Variants in NLN observed in about 807,000 individuals in gnomAD.
NLN encodes neurolysin, mitochondrial.
A neutral mutation model predicts 79.9 loss-of-function variants in NLN; 64 were observed. The ratio of observed to expected loss-of-function variants is 0.80; its 90% CI spans 0.65 to 0.99. The LOEUF (loss-of-function observed/expected upper bound fraction) is 0.99, where lower values mean the gene tolerates loss of function less well. Among genes scored for constraint, NLN ranks in the 50% least tolerant of loss-of-function variants. NLN has a pLI of 0.00. For synonymous variants in NLN, 267 were observed against 296.6 expected, an observed-to-expected ratio of 0.90 and a Z score of 1.02; for missense variants, 835 against 858.7, an observed-to-expected ratio of 0.97 and a Z score of 0.34.
At chr5:65,755,430 C>CAT (rs1437067610) in intron 1 of NLN, among the ~76,000 whole-genome samples, 2 of 152,142 alleles carry the variant, frequency 1.3e-5, no homozygotes, top group Non-Finnish European at 2.9e-5. Flanking sequence ...TATAAGGAAA[C>CAT]ATATAAGTAG....
chr5:65,756,659 GT>G (rs1417134181), intron 1 of NLN, among the ~76,000 whole-genome samples: 1 of 152,010 alleles, frequency 6.6e-6, no homozygotes, highest in Non-Finnish European at 1.5e-5. Context: ...GTTTTTTGTT[GT>G]TGTCGTTGTT....
At chr5:65,773,242 C>T (rs1457428666) in intron 3 of NLN, among the ~76,000 whole-genome samples, 2 of 151,736 alleles carry the variant, frequency 1.3e-5, no homozygotes, top group African/African-American at 4.9e-5. Context: ...AGCAATCCTC[C>T]CACCTCAGCC....
intron 7 of NLN, 25 bp from the exon 8 acceptor site, chr5:65,788,093 C>G (rs757835464): frequency 6.3e-7 from 1 of 1,596,306 alleles, no homozygotes. Flanking sequence ...GCAAGTAGAT[C>G]ACTAACTTTT....
intron 1 of NLN, among the ~76,000 whole-genome samples, chr5:65,748,752 C>G (rs924854675): frequency 4.6e-5 from 7 of 151,980 alleles, no homozygotes; most frequent in African/African-American, 1.5e-4. Context: ...GACCCTGTCC[C>G]AAAAAGAAAA....
intron 3 of NLN, among the ~76,000 whole-genome samples, chr5:65,773,716 G>A (rs1005730510): frequency 6.6e-6 from 1 of 152,148 alleles, no homozygotes; most frequent in Non-Finnish European, 1.5e-5. Context: ...GCCGAGGCAG[G>A]TGGATCACTT....
At chr5:65,737,128 T>C in intron 1 of NLN, among the ~76,000 whole-genome samples, 1 of 151,354 alleles carries the variant, frequency 6.6e-6, no homozygotes, top group East Asian at 1.9e-4. Context: ...AGGGAGACTG[T>C]CTCCAAAAAA....
chr5:65,738,980 T>TTATATATTTATATATATATTTTATAA (rs1758806162), intron 1 of NLN, among the ~76,000 whole-genome samples: 1 of 28,300 alleles, frequency 3.5e-5, no homozygotes, highest in Non-Finnish European at 6.9e-5. Flanking sequence ...AATATATATA[T>TTATATATTTATATATATATTTTATAA]TATATATTTA....
intron 7 of NLN, 172 bp downstream of exon 7, chr5:65,786,082 T>C: frequency 2.0e-6 from 1 of 506,438 alleles, no homozygotes; most frequent in East Asian, 3.0e-5. Flanking sequence ...GGACTGCTTA[T>C]TGTTTATATT....
At chr5:65,760,383 T>TA (rs1289881763) in intron 2 of NLN, among the ~76,000 whole-genome samples, 2 of 152,236 alleles carry the variant, frequency 1.3e-5, no homozygotes, top group Non-Finnish European at 2.9e-5. Context: ...GTCAAAGGGA[T>TA]AGAGTTAGTC....
chr5:65,737,366 C>A (rs909677077), intron 1 of NLN, among the ~76,000 whole-genome samples: 5 of 152,144 alleles, frequency 3.3e-5, no homozygotes, highest in Admixed American at 2.0e-4. Context: ...CTACTAAATT[C>A]TTTCCCCCTG....
intron 1 of NLN, among the ~76,000 whole-genome samples, chr5:65,728,740 A>G (rs550830340): frequency 6.6e-5 from 10 of 152,298 alleles, no homozygotes; most frequent in Admixed American, 2.0e-4. Context: ...AAAATTCAGG[A>G]GTTGTGGTCT....
At chr5:65,777,848 T>C (rs1460677940) in intron 4 of NLN, among the ~76,000 whole-genome samples, 2 of 152,248 alleles carry the variant, frequency 1.3e-5, no homozygotes, top group Non-Finnish European at 2.9e-5. Context: ...ACAGATGGGT[T>C]GTAATAGAAT....
chr5:65,810,515 G>A (rs776648200), intron 11 of NLN, among the ~76,000 whole-genome samples: 6 of 152,056 alleles, frequency 3.9e-5, no homozygotes, highest in Non-Finnish European at 7.3e-5. Flanking sequence ...TTGGCAGAAG[G>A]GGAACTTTTT....
intron 4 of NLN, among the ~76,000 whole-genome samples, chr5:65,779,669 T>G (rs901489153): frequency 6.6e-6 from 1 of 152,246 alleles, no homozygotes; most frequent in Non-Finnish European, 1.5e-5. Context: ...ATGTACTATG[T>G]GCAATATATT....
intron 9 of NLN, among the ~76,000 whole-genome samples, chr5:65,793,808 A>G (rs1003917768): frequency 6.6e-6 from 1 of 152,186 alleles, no homozygotes; most frequent in Non-Finnish European, 1.5e-5. Context: ...CAAAGATGAT[A>G]TAAGGATTGC....
rs1353682783 is a variant in NLN at position 65,809,619 on chromosome 5, A to G, written c.1632A>G (p.Arg544=). 1 of 1,614,016 alleles carries G rather than the reference A, an allele frequency of 6.2e-7. No individual in the cohort carries two copies. Among genetic ancestry groups the G allele is most frequent in the African/African-American group, 1.3e-5 (1 of 75,040 alleles). ...NWVWDVDSLR[R]LSKHYKDGSP... ...TGTGGGACGTCGATTCCCTCCGAAG[A>G]TTGTCAAAACATTATAAAGATGGAA... The change falls in exon 10 of 13, where the codon AGA becomes AGG. Residue 544 remains arginine (R), a synonymous_variant. Transcript: ENST00000380985.
chr5:65,772,334 G>A (rs1169795376), intron 3 of NLN, among the ~76,000 whole-genome samples: 1 of 152,184 alleles, frequency 6.6e-6, no homozygotes, highest in Non-Finnish European at 1.5e-5. Flanking sequence ...TAGGAGCTCA[G>A]TAAATGTAAA....
intron 3 of NLN, among the ~76,000 whole-genome samples, chr5:65,769,128 CG>C (rs1425738092): frequency 6.6e-6 from 1 of 152,212 alleles, no homozygotes; most frequent in African/African-American, 2.4e-5. Context: ...TGTGCTGTCA[CG>C]GAAGTCACAT....
intron 12 of NLN, among the ~76,000 whole-genome samples, chr5:65,816,526 C>A (rs1002846709): frequency 2.0e-5 from 3 of 148,578 alleles, no homozygotes; most frequent in African/African-American, 7.5e-5. Context: ...GTACCCCGAA[C>A]GTAAAAGTTA....
Sources: allele counts gnomAD v4.1 joint callset (sites outside exome capture counted in the v4.1 genomes callset), GRCh38; gene constraint gnomAD v4.1.1; transcripts MANE v1.5; gene names NCBI Gene and HGNC (gene_info 2026-07-23, HGNC 2026-07-21).